KALRN: variants seen among roughly 807,000 people sequenced by gnomAD.
KALRN encodes kalirin.
KALRN carries 70 observed loss-of-function variants against 353.7 expected under a neutral mutation model. The ratio of observed to expected loss-of-function variants is 0.20; its 90% CI spans 0.16 to 0.24. The LOEUF is 0.24. KALRN is among the 10% of genes least tolerant of loss of function. The pLI, the probability that KALRN is intolerant of heterozygous loss-of-function variation, is 1.00. For missense variants in KALRN, 2,791 were observed against 3,756.7 expected, an observed-to-expected ratio of 0.74 and a Z score of 6.72; for synonymous variants, 1,391 against 1,434.8, an observed-to-expected ratio of 0.97 and a Z score of 0.69.
intron 5 of KALRN, among the ~76,000 whole-genome samples, chr3:124,284,282 A>G (rs1454378140): frequency 1.3e-5 from 2 of 152,204 alleles, no homozygotes; most frequent in Non-Finnish European, 2.9e-5. Context: ...TCCCCAATGC[A>G]TCTTTTGCCC....
chr3:124,224,254 G>A (rs958188039), intron 1 of KALRN, among the ~76,000 whole-genome samples: 3 of 149,954 alleles, frequency 2.0e-5, no homozygotes, highest in African/African-American at 4.9e-5. Flanking sequence ...ATGGAAACAG[G>A]TCTATGATTG....
At chr3:124,707,634 C>A (rs1394330871) in intron 57 of KALRN, among the ~76,000 whole-genome samples, 2 of 152,280 alleles carry the variant, frequency 1.3e-5, no homozygotes, top group African/African-American at 4.8e-5. Context: ...GAAAAGGGAA[C>A]CCTTTGAGCT....
intron 1 of KALRN, among the ~76,000 whole-genome samples, chr3:124,146,900 G>GA (rs1185776196): frequency 2.3e-4 from 23 of 100,212 alleles, no homozygotes; most frequent in Admixed American, 4.2e-4. Flanking sequence ...AAAAAGAAAA[G>GA]AAAAAAAAAG....
intron 34 of KALRN, among the ~76,000 whole-genome samples, chr3:124,572,032 A>G: frequency 6.6e-6 from 1 of 151,894 alleles, no homozygotes; most frequent in East Asian, 1.9e-4. Flanking sequence ...TGTAGTAAAA[A>G]ATGGTTGAGA....
At chr3:124,583,656 G>T (rs1455778637) in intron 34 of KALRN, among the ~76,000 whole-genome samples, 1 of 152,062 alleles carries the variant, frequency 6.6e-6, no homozygotes, top group African/African-American at 2.4e-5. Flanking sequence ...AGGAGGACTG[G>T]TTCCTCAAAG....
intron 2 of KALRN, among the ~76,000 whole-genome samples, chr3:124,233,607 T>C (rs2079426646): frequency 6.6e-6 from 1 of 152,182 alleles, no homozygotes; most frequent in Admixed American, 6.5e-5. Flanking sequence ...TCTGGATTGA[T>C]TTTTTTGTCA....
rs59443298 is a variant in KALRN at position 124,086,309 on chromosome 3, TTGTGTGTG to T, written c.73+52534_73+52541del. Among the ~76,000 whole-genome samples the T allele has an allele frequency of 3.4e-3, 489 of 141,860 alleles. 2 individuals are homozygous for T. The highest frequency in any genetic ancestry group is 8.9e-3 in the African/African-American group (343 of 38,730). The allele number at this position is 141,860 out of a possible 152,430, so 93.1% of individuals were successfully genotyped here. A position where few individuals can be genotyped will look rare whatever the true frequency, so the allele number is the denominator to read the frequency against. ...GTCTCCTACTAGGTTGGTTGTTTTGTTGTGTGTGTGTGTGTGTGTGTGTGTGTGTGTGT... is the reference window on the plus strand; with the variant it reads ...GTCTCCTACTAGGTTGGTTGTTTTGTTGTGTGTGTGTGTGTGTGTGTGTGT... On this transcript the variant is annotated intron_variant, in intron 1 of 59. Coordinates refer to ENST00000682506, the MANE Select transcript of KALRN (RefSeq NM_001388419.1).
intron 47 of KALRN, among the ~76,000 whole-genome samples, chr3:124,668,214 G>A (rs959741306): frequency 6.6e-6 from 1 of 152,032 alleles, no homozygotes; most frequent in Admixed American, 6.6e-5. Context: ...GCCCACCCTC[G>A]GGTGTGTCAC....
intron 33 of KALRN, among the ~76,000 whole-genome samples, chr3:124,511,043 G>A (rs6805335): frequency 0.13 from 19,549 of 151,960 alleles, 1,396 homozygotes; most frequent in Middle Eastern, 0.24. Context: ...TTCATATCTG[G>A]AAATGCCCAC....
At chr3:124,243,232 G>T (rs973435344) in intron 3 of KALRN, among the ~76,000 whole-genome samples, 4 of 152,212 alleles carry the variant, frequency 2.6e-5, no homozygotes, top group African/African-American at 7.2e-5. Context: ...GTAGGACTTG[G>T]CAGGTCTGTG....
At position 124,529,821 on chromosome 3, in the gene KALRN, A is replaced by G. The variant is rs138712670; in HGVS notation, c.4936-33022A>G. On this transcript the variant is annotated intron_variant, in intron 33 of 59. Coordinates refer to ENST00000682506, the MANE Select transcript of KALRN (RefSeq NM_001388419.1). The stretch of plus-strand genomic sequence containing the variant: ...AAAAAAAAAAGCACCAAGGGCCAAG[A>G]ACAATGAACAAGAGAATAAATCCAA... Among the ~76,000 whole-genome samples the G allele has an allele frequency of 6.4e-3, 978 of 151,988 alleles. 8 individuals are homozygous for G. The highest frequency in any genetic ancestry group is 0.022 in the African/African-American group (919 of 41,502).
chr3:124,184,625 AC>A (rs1364452656), intron 1 of KALRN, among the ~76,000 whole-genome samples: 1 of 152,042 alleles, frequency 6.6e-6, no homozygotes, highest in African/African-American at 2.4e-5. Context: ...GCCTTTCCTG[AC>A]CCTCCTGCCC....
intron 1 of KALRN, among the ~76,000 whole-genome samples, chr3:124,057,770 C>T (rs529651684): frequency 2.0e-5 from 3 of 152,284 alleles, no homozygotes; most frequent in Non-Finnish European, 4.4e-5. Context: ...TTCTGCTGCT[C>T]AAGGACCCGC....
At chr3:124,601,609 A>G (rs1324427942) in intron 34 of KALRN, among the ~76,000 whole-genome samples, 3 of 152,228 alleles carry the variant, frequency 2.0e-5, no homozygotes. Flanking sequence ...AAGGACCTTT[A>G]TATGTATGTA....
intron 11 of KALRN, among the ~76,000 whole-genome samples, chr3:124,394,322 A>G (rs1274122451): frequency 6.6e-6 from 1 of 152,168 alleles, no homozygotes; most frequent in Middle Eastern, 3.2e-3. Flanking sequence ...CCCCTCTCTC[A>G]TTTATGAAAA....
At chr3:124,329,819 C>T (rs773114817) in intron 7 of KALRN, 42 bp from the exon 8 acceptor site, 3 of 1,597,918 alleles carry the variant, frequency 1.9e-6, no homozygotes, top group Non-Finnish European at 2.6e-6. Flanking sequence ...AACTCCTCAC[C>T]CCCAGTGCTC....
chr3:124,307,699 G>T (rs1056641102), intron 6 of KALRN, among the ~76,000 whole-genome samples: 5 of 151,742 alleles, frequency 3.3e-5, no homozygotes, highest in Admixed American at 3.3e-4. Flanking sequence ...TGCAAAAAAA[G>T]CAGTACAGGG....
At chr3:124,347,857 T>C (rs1342533617) in intron 10 of KALRN, among the ~76,000 whole-genome samples, 1 of 152,224 alleles carries the variant, frequency 6.6e-6, no homozygotes, top group African/African-American at 2.4e-5. Context: ...CTGCCATTTA[T>C]ATAATGTTCA....
At chr3:124,610,953 G>A (rs1298881615) in intron 34 of KALRN, among the ~76,000 whole-genome samples, 1 of 152,200 alleles carries the variant, frequency 6.6e-6, no homozygotes, top group Non-Finnish European at 1.5e-5. Context: ...TTGAGCCTGG[G>A]AGATCGAGAC....
Sources: gnomAD v4.1 joint callset for allele counts (sites outside exome capture counted in the v4.1 genomes callset) on GRCh38, gnomAD v4.1.1 for gene constraint, MANE v1.5 for transcripts, NCBI Gene and HGNC (gene_info 2026-07-23, HGNC 2026-07-21) for gene names.